KCNH5: variants seen among roughly 807,000 people sequenced by gnomAD.
KCNH5 encodes the protein potassium voltage-gated channel subfamily H member 5, also known as voltage-gated delayed rectifier potassium channel KCNH5.
KCNH5 carries 46 observed loss-of-function variants against 96.1 expected under a neutral mutation model. The ratio of observed to expected loss-of-function variants is 0.48; its 90% CI spans 0.38 to 0.61. The LOEUF is 0.61. Among genes scored for constraint, KCNH5 ranks in the 20% least tolerant of loss-of-function variants. The pLI is 0.00. For missense variants in KCNH5, 907 were observed against 1,225.8 expected, an observed-to-expected ratio of 0.74 and a Z score of 3.88; for synonymous variants, 439 against 449.8, an observed-to-expected ratio of 0.98 and a Z score of 0.30.
intron 2 of KCNH5, among the ~76,000 whole-genome samples, chr14:63,013,136 A>G (rs566759532): frequency 6.6e-6 from 1 of 152,082 alleles, no homozygotes; most frequent in South Asian, 2.1e-4. Flanking sequence ...AAAGAAGAAA[A>G]AAGATAAGAA....
intron 7 of KCNH5, among the ~76,000 whole-genome samples, chr14:62,869,501 T>C (rs184546453): frequency 3.3e-5 from 5 of 152,334 alleles, no homozygotes; most frequent in Admixed American, 1.3e-4. Flanking sequence ...ACTCTGATGA[T>C]AGTTTCTTTT....
intron 7 of KCNH5, among the ~76,000 whole-genome samples, chr14:62,877,112 A>G (rs1196453112): frequency 6.6e-6 from 1 of 152,140 alleles, no homozygotes. Context: ...CCTATTTAAT[A>G]AATGGTGCTG....
At chr14:62,732,549 A>G (rs1437632505) in intron 10 of KCNH5, among the ~76,000 whole-genome samples, 1 of 151,782 alleles carries the variant, frequency 6.6e-6, no homozygotes, top group Non-Finnish European at 1.5e-5. Context: ...CAGCCACTTT[A>G]ACTAATATCC....
intron 6 of KCNH5, among the ~76,000 whole-genome samples, chr14:62,963,157 T>G (rs539372550): frequency 2.6e-4 from 39 of 152,248 alleles, no homozygotes; most frequent in African/African-American, 7.9e-4. Flanking sequence ...GCAAACACAT[T>G]CACATAACTT....
chr14:62,920,191 G>A (rs1276616953), intron 7 of KCNH5, among the ~76,000 whole-genome samples: 1 of 152,016 alleles, frequency 6.6e-6, no homozygotes, highest in African/African-American at 2.4e-5. Context: ...GGAAGCTAGA[G>A]GCTTAGGAAG....
intron 7 of KCNH5, among the ~76,000 whole-genome samples, chr14:62,923,221 A>G (rs1889411973): frequency 1.3e-5 from 2 of 151,936 alleles, no homozygotes; most frequent in African/African-American, 4.8e-5. Flanking sequence ...CCCATTCACA[A>G]TAGCATCAAG....
At chr14:62,916,404 G>C (rs1179320633) in intron 7 of KCNH5, among the ~76,000 whole-genome samples, 1 of 152,172 alleles carries the variant, frequency 6.6e-6, no homozygotes, top group Non-Finnish European at 1.5e-5. Flanking sequence ...TCCTTAATGT[G>C]TTCTTTATAA....
intron 10 of KCNH5, among the ~76,000 whole-genome samples, chr14:62,776,171 G>A (rs953638772): frequency 5.3e-5 from 8 of 152,034 alleles, no homozygotes; most frequent in Non-Finnish European, 8.8e-5. Flanking sequence ...GTAGGCTAAG[G>A]CAGGAGAATC....
intron 7 of KCNH5, among the ~76,000 whole-genome samples, chr14:62,897,314 G>A (rs1297574539): frequency 2.0e-5 from 3 of 152,148 alleles, no homozygotes; most frequent in Non-Finnish European, 4.4e-5. Context: ...GTCTGATCTG[G>A]TGTCCCTTTA....
chr14:62,958,986 A>C (rs892079595), intron 6 of KCNH5, among the ~76,000 whole-genome samples: 1 of 152,072 alleles, frequency 6.6e-6, no homozygotes, highest in Non-Finnish European at 1.5e-5. Context: ...ATTAAGCAAA[A>C]AAAATTAACA....
At chr14:62,810,091 T>C (rs374544218) in intron 8 of KCNH5, among the ~76,000 whole-genome samples, 3 of 152,260 alleles carry the variant, frequency 2.0e-5, no homozygotes, top group African/African-American at 7.2e-5. Flanking sequence ...TATATTACTG[T>C]TATACTCTTT....
intron 7 of KCNH5, among the ~76,000 whole-genome samples, chr14:62,877,889 T>A (rs1427551112): frequency 6.6e-6 from 1 of 151,836 alleles, no homozygotes; most frequent in African/African-American, 2.4e-5. Flanking sequence ...TAAAGACACA[T>A]GCACACGTAT....
At chr14:62,747,939 AG>A (rs1169163268) in intron 10 of KCNH5, among the ~76,000 whole-genome samples, 1 of 152,192 alleles carries the variant, frequency 6.6e-6, no homozygotes, top group Non-Finnish European at 1.5e-5. Context: ...AGGCAAGTGT[AG>A]AAGTGTTTAT....
At chr14:62,988,331 T>C (rs1044422284) in intron 4 of KCNH5, among the ~76,000 whole-genome samples, 4 of 152,024 alleles carry the variant, frequency 2.6e-5, no homozygotes, top group African/African-American at 9.7e-5. Context: ...GAAAAACTCC[T>C]GATGTTCCAA....
chr14:62,817,784 ATATATATATTC>A (rs1887021423), intron 8 of KCNH5, among the ~76,000 whole-genome samples: 1 of 146,292 alleles, frequency 6.8e-6, no homozygotes. Flanking sequence ...CTAGGAATAT[ATATATATATTC>A]TATATATATT....
chr14:62,960,931 A>G (rs1890194114), intron 6 of KCNH5, among the ~76,000 whole-genome samples: 1 of 152,200 alleles, frequency 6.6e-6, no homozygotes. Flanking sequence ...AGACAGACAG[A>G]CAAAGAATAG....
intron 9 of KCNH5, among the ~76,000 whole-genome samples, chr14:62,794,877 CA>C (rs1160265858): frequency 6.6e-6 from 1 of 151,930 alleles, no homozygotes; most frequent in Non-Finnish European, 1.5e-5. Context: ...ATGACAAAAG[CA>C]ATGTCACTTT....
intron 10 of KCNH5, among the ~76,000 whole-genome samples, chr14:62,713,493 C>T (rs554660890): frequency 6.6e-6 from 1 of 152,296 alleles, no homozygotes; most frequent in African/African-American, 2.4e-5. Context: ...GCAGTAATAT[C>T]CACTAGAAGC....
chr14:62,742,357 C>T (rs1885287937), intron 10 of KCNH5, among the ~76,000 whole-genome samples: 1 of 151,974 alleles, frequency 6.6e-6, no homozygotes, highest in South Asian at 2.1e-4. Flanking sequence ...CAACCAAAAG[C>T]AAAACAAAAC....
Sources: allele counts gnomAD v4.1 joint callset (sites outside exome capture counted in the v4.1 genomes callset), GRCh38; gene constraint gnomAD v4.1.1; transcripts MANE v1.5; gene names NCBI Gene and HGNC (gene_info 2026-07-23, HGNC 2026-07-21).